The following SYN3 variants were observed in gnomAD, a reference collection of about 807,000 sequenced individuals.
SYN3 encodes the protein synapsin-3.
SYN3 carries 35 observed loss-of-function variants against 65.8 expected under a neutral mutation model. That is an observed-to-expected ratio of 0.53 (90% CI 0.41 to 0.70). SYN3 has a LOEUF of 0.70. Ranked by LOEUF, SYN3 falls within the 30% of genes least tolerant of loss-of-function variation. SYN3 has a pLI of 0.00. For missense variants in SYN3, 680 were observed against 749.0 expected (o/e 0.91, Z 1.08); for synonymous variants, 270 against 292.9 (o/e 0.92, Z 0.80).
At chr22:32,726,689 C>A (rs564361847) in intron 6 of SYN3, among the ~76,000 whole-genome samples, 3 of 152,286 alleles carry the variant, frequency 2.0e-5, no homozygotes, top group Non-Finnish European at 2.9e-5. Flanking sequence ...TTGAACGGGA[C>A]AAAATGGATC....
chr22:32,621,087 A>G (rs187922424), intron 6 of SYN3, among the ~76,000 whole-genome samples: 83 of 152,258 alleles, frequency 5.5e-4, no homozygotes, highest in African/African-American at 1.9e-3. Flanking sequence ...CTAATGCAGA[A>G]GGGTTCTGGA....
chr22:32,714,455 C>T (rs1481682556), intron 6 of SYN3, among the ~76,000 whole-genome samples: 2 of 152,154 alleles, frequency 1.3e-5, no homozygotes, highest in Non-Finnish European at 2.9e-5. Flanking sequence ...GCCAAGCCAC[C>T]AGCATTTTTA....
rs139060418 is a variant in SYN3, at chr22:32,967,950, G to A, written c.369+12695C>T. 3.1e-3 allele frequency among the ~76,000 whole-genome samples: 473 copies of A among 152,360 alleles called. 3 individuals carry two copies. Among genetic ancestry groups the A allele is most frequent in the African/African-American group, 0.011 (453 of 41,580 alleles). Reference sequence around the variant, plus strand: ...AAGTGGTGTAACCAGGGGCAGTAGCGCATGGGGAGGGAGATCATCAACAGA... The same window carrying A: ...AAGTGGTGTAACCAGGGGCAGTAGCACATGGGGAGGGAGATCATCAACAGA... On this transcript the variant is annotated intron_variant, in intron 3 of 13. Coordinates refer to ENST00000358763, the MANE Select transcript of SYN3 (RefSeq NM_003490.4).
intron 3 of SYN3, among the ~76,000 whole-genome samples, chr22:32,978,662 G>A (rs566011350): frequency 1.3e-5 from 2 of 152,168 alleles, no homozygotes; most frequent in East Asian, 3.9e-4. Flanking sequence ...GCTAAGTTTG[G>A]ACCTCTCATC....
At chr22:32,569,307 A>C (rs2058716374) in intron 7 of SYN3, among the ~76,000 whole-genome samples, 1 of 99,870 alleles carries the variant, frequency 1.0e-5, no homozygotes, top group Non-Finnish European at 2.1e-5. Flanking sequence ...ATCTACACCT[A>C]TCTATATAAA....
chr22:32,641,882 T>C (rs1465082135), intron 6 of SYN3, among the ~76,000 whole-genome samples: 1 of 150,952 alleles, frequency 6.6e-6, no homozygotes, highest in East Asian at 1.9e-4. Flanking sequence ...GGGACCTCAT[T>C]GTTTGAGAAA....
chr22:32,642,181 C>T (rs1467377920), intron 6 of SYN3, among the ~76,000 whole-genome samples: 3 of 151,734 alleles, frequency 2.0e-5, no homozygotes, highest in South Asian at 2.1e-4. Context: ...CCCAGCTCCT[C>T]GGGAGGCTGA....
At chr22:32,915,216 A>G (rs2050156865) in intron 4 of SYN3, among the ~76,000 whole-genome samples, 1 of 152,188 alleles carries the variant, frequency 6.6e-6, no homozygotes, top group African/African-American at 2.4e-5. Flanking sequence ...GCACATGTAT[A>G]CCTATGTAAC....
chr22:32,709,571 GA>G (rs1300211917), intron 6 of SYN3, among the ~76,000 whole-genome samples: 1 of 151,986 alleles, frequency 6.6e-6, no homozygotes, highest in Non-Finnish European at 1.5e-5. Flanking sequence ...TTAAAAGATA[GA>G]AAAAATTCCA....
At chr22:32,889,327 A>G (rs1382300435) in intron 4 of SYN3, among the ~76,000 whole-genome samples, 1 of 151,976 alleles carries the variant, frequency 6.6e-6, no homozygotes, top group Admixed American at 6.6e-5. Context: ...CTCTTGCTTC[A>G]GGGGGGCTTT....
chr22:32,518,326 G>A lies in SYN3; in HGVS notation c.1327C>T (p.Arg443Cys), dbSNP rs752060058. ...TGGGGCTGAGGAGACTGAGCTTGGC[G>A]AGGGCCTCCTAAGGGGCCAGAAAAA... ...QPRPPPQGGPRQAQSPQPQRS... is the reference protein window; with the variant it reads ...QPRPPPQGGPCQAQSPQPQRS... Residue 443 changes from arginine to cysteine, a missense_variant, in exon 13 of 14, where the codon CGC becomes TGC. Transcript: ENST00000358763. 2.7e-5 allele frequency: 43 copies of A among 1,608,784 alleles called. No homozygotes were observed. Among genetic ancestry groups the A allele is most frequent in the East Asian group, 8.9e-5 (4 of 44,838 alleles).
At chr22:32,873,141 A>C (rs1386926846) in intron 4 of SYN3, among the ~76,000 whole-genome samples, 4 of 151,938 alleles carry the variant, frequency 2.6e-5, no homozygotes, top group Non-Finnish European at 4.4e-5. Context: ...AGTAGAGGCA[A>C]GGTTTTGCCA....
intron 6 of SYN3, among the ~76,000 whole-genome samples, chr22:32,856,131 A>C (rs2048356933): frequency 6.6e-6 from 1 of 152,214 alleles, no homozygotes; most frequent in African/African-American, 2.4e-5. Flanking sequence ...GTGAGTGAGA[A>C]TGTTTTTGTG....
chr22:32,683,862 A>G (rs2060555568), intron 6 of SYN3, among the ~76,000 whole-genome samples: 1 of 152,090 alleles, frequency 6.6e-6, no homozygotes, highest in Non-Finnish European at 1.5e-5. Flanking sequence ...TTCCCCTCAT[A>G]GTCTAGAAGT....
intron 7 of SYN3, among the ~76,000 whole-genome samples, chr22:32,544,665 C>T (rs1197860356): frequency 6.6e-6 from 1 of 152,202 alleles, no homozygotes; most frequent in Non-Finnish European, 1.5e-5. Flanking sequence ...TCTATGTTGC[C>T]ACCTCTTCTT....
chr22:33,038,746 C>T (rs1280183212), intron 1 of SYN3, among the ~76,000 whole-genome samples: 2 of 150,746 alleles, frequency 1.3e-5, no homozygotes, highest in Non-Finnish European at 2.9e-5. Context: ...AGCCAGTCAT[C>T]CTATTTTACA....
In SYN3 at chr22:33,010,529, ATCTC is replaced by A. The variant is rs554690892; in HGVS notation, c.-162-3709_-162-3706del. 1.6e-4 allele frequency among the ~76,000 whole-genome samples: 25 copies of A among 152,280 alleles called. No individual in the cohort carries two copies. In the South Asian group the frequency reaches 4.3e-3, roughly 26 times the overall value. ...GGACTATGTTTAATATGCTCCACTG[ATCTC>A]TCTGTCTATTCTTACATTTATTGAT... On this transcript the variant is annotated intron_variant, in intron 1 of 13. Coordinates refer to ENST00000358763, the MANE Select transcript of SYN3 (RefSeq NM_003490.4).
chr22:33,004,602 G>T (rs2053151212), intron 2 of SYN3, among the ~76,000 whole-genome samples: 1 of 152,218 alleles, frequency 6.6e-6, no homozygotes, highest in African/African-American at 2.4e-5. Flanking sequence ...TAGCCCCTTT[G>T]ATTTGGCCAA....
chr22:32,938,511 C>A (rs2050840290), intron 3 of SYN3, among the ~76,000 whole-genome samples: 1 of 139,290 alleles, frequency 7.2e-6, no homozygotes, highest in Admixed American at 7.6e-5. Context: ...GCCTGGGCAA[C>A]AGAGTGAGAC....
Sources: gnomAD v4.1 joint callset for allele counts (sites outside exome capture counted in the v4.1 genomes callset) on GRCh38, gnomAD v4.1.1 for gene constraint, MANE v1.5 for transcripts, NCBI Gene and HGNC (gene_info 2026-07-23, HGNC 2026-07-21) for gene names.